FUT8: variants seen among roughly 807,000 people sequenced by gnomAD.
FUT8 encodes fucosyltransferase 8.
Under a neutral mutation model 71.3 loss-of-function variants are expected in FUT8, and 29 were observed. The ratio of observed to expected loss-of-function variants is 0.41; its 90% CI spans 0.30 to 0.55. The LOEUF (loss-of-function observed/expected upper bound fraction) is 0.55. FUT8 is among the 20% of genes least tolerant of loss of function. The pLI is 0.34. For missense variants in FUT8, 544 were observed against 702.1 expected (o/e 0.77, Z 2.55); for synonymous variants, 254 against 239.3 (o/e 1.06, Z -0.57).
chr14:65,378,979 T>A, the FUT8 span, among the ~76,000 whole-genome samples: 2,982 of 151,012 alleles, frequency 0.02, 43 homozygotes, highest in Non-Finnish European at 0.032. Flanking sequence ...CCCTAGTAGC[T>A]GGGATTACAG....
rs1022389769 is a variant in FUT8, at chr14:65,467,567, C to A, written c.-228+11849C>A. On this transcript the variant is annotated intron_variant, in intron 2 of 10. Transcript: ENST00000673929. This position sits in a 1 kb window ranked among gnomAD's most constrained non-coding sequence, Gnocchi z 4.1. ...TCTTGGCTCACTGCAACCTCCACCT[C>A]CTGGGTTCAAGCGATCCTCCTGCCT... is the stretch of plus-strand genomic sequence containing the variant. Among the ~76,000 whole-genome samples, 3 of 152,140 alleles carry A rather than the reference C, an allele frequency of 2.0e-5. No individual in the cohort carries two copies. Among genetic ancestry groups the A allele is most frequent in the Non-Finnish European group, 4.4e-5 (3 of 68,016 alleles).
At position 65,412,853 on chromosome 14, in the gene FUT8, C is replaced by T. The variant is rs2065156560; in HGVS notation, c.-687C>T. 6.6e-6 allele frequency among the ~76,000 whole-genome samples: 1 copy of T among 152,180 alleles called. No homozygotes were observed. The highest frequency in any genetic ancestry group is 1.5e-5 in the Non-Finnish European group (1 of 68,004). ...GCAGCCGGTTCCCTCCTCTCCAGGC[C>T]CCCTCCCCATCCCACCCCCGCCGCC... On this transcript the variant is annotated 5_prime_UTR_variant, in exon 1 of 11. Transcript: ENST00000673929.
At chr14:65,548,944 T>C (rs1012755644) in intron 2 of FUT8, among the ~76,000 whole-genome samples, 35 of 152,214 alleles carry the variant, frequency 2.3e-4, no homozygotes, top group African/African-American at 8.4e-4. Context: ...AGAGAAGATA[T>C]ACGGATACAA....
chr14:65,363,974 G>A, the FUT8 span, among the ~76,000 whole-genome samples: 1 of 152,176 alleles, frequency 6.6e-6, no homozygotes, highest in Admixed American at 6.5e-5. Context: ...CCCTACAGTG[G>A]GGTCATTTTA....
intron 7 of FUT8, among the ~76,000 whole-genome samples, chr14:65,673,329 T>C (rs1249390533): frequency 6.6e-6 from 1 of 152,216 alleles, no homozygotes; most frequent in Non-Finnish European, 1.5e-5. Flanking sequence ...GTATTTGCTA[T>C]TTGCTAGATA....
At chr14:65,642,284 T>C (rs1890877345) in intron 6 of FUT8, among the ~76,000 whole-genome samples, 1 of 152,168 alleles carries the variant, frequency 6.6e-6, no homozygotes, top group South Asian at 2.1e-4. Context: ...GTCTTTCCTA[T>C]TAGTTGCTTT....
chr14:65,431,669 T>C (rs939589726), intron 1 of FUT8, among the ~76,000 whole-genome samples: 1 of 146,802 alleles, frequency 6.8e-6, no homozygotes, highest in Non-Finnish European at 1.5e-5. Flanking sequence ...CACTTTTTTT[T>C]TTTTTTTAAT....
intron 3 of FUT8, among the ~76,000 whole-genome samples, chr14:65,604,217 A>G (rs1375354808): frequency 6.6e-6 from 1 of 151,896 alleles, no homozygotes; most frequent in East Asian, 1.9e-4. Context: ...CAACAAAGAA[A>G]CAATGGATTT....
chr14:65,375,519 G>A, the FUT8 span, among the ~76,000 whole-genome samples: 1 of 152,058 alleles, frequency 6.6e-6, no homozygotes. Flanking sequence ...TACTTGGGAG[G>A]CTAGGGTGGG....
chr14:65,528,845 A>G (rs568028606), intron 2 of FUT8: 1 of 152,370 alleles, frequency 6.6e-6, no homozygotes, highest in South Asian at 2.1e-4. Context: ...TATCATCAAG[A>G]TCTTTATCAT....
At chr14:65,651,886 G>A (rs1015265277) in intron 6 of FUT8, among the ~76,000 whole-genome samples, 1 of 152,078 alleles carries the variant, frequency 6.6e-6, no homozygotes, top group Non-Finnish European at 1.5e-5. Flanking sequence ...AGTCTTATGG[G>A]GACCTCTGAG....
chr14:65,560,356 A>C (rs80235566), intron 2 of FUT8, among the ~76,000 whole-genome samples: 2 of 151,966 alleles, frequency 1.3e-5, no homozygotes, highest in African/African-American at 4.8e-5. Flanking sequence ...AGAAAAAAAA[A>C]TTTTTATAGA....
intron 2 of FUT8, among the ~76,000 whole-genome samples, chr14:65,536,031 T>C (rs1255411953): frequency 6.6e-6 from 1 of 152,198 alleles, no homozygotes; most frequent in Non-Finnish European, 1.5e-5. Flanking sequence ...TACCATTATG[T>C]CATGCCCTTT....
intron 3 of FUT8, among the ~76,000 whole-genome samples, chr14:65,611,203 GC>G: frequency 5.8e-4 from 1 of 1,710 alleles, no homozygotes; most frequent in East Asian, 0.019. Flanking sequence ...ACACACGCGC[GC>G]GCGCGCGCGC....
intron 2 of FUT8, among the ~76,000 whole-genome samples, chr14:65,462,317 A>G (rs1006798527): frequency 1.3e-5 from 2 of 152,224 alleles, no homozygotes; most frequent in East Asian, 1.9e-4. Flanking sequence ...TCTCTGACTT[A>G]CCATTTTGTT....
chr14:65,619,963 T>G (rs1172288181), intron 5 of FUT8, among the ~76,000 whole-genome samples: 2 of 152,288 alleles, frequency 1.3e-5, no homozygotes, highest in South Asian at 4.1e-4. Flanking sequence ...TTATGGCAGT[T>G]TAGATGTGTA....
chr14:65,444,079 A>G (rs1437270794), intron 1 of FUT8, among the ~76,000 whole-genome samples: 1 of 152,218 alleles, frequency 6.6e-6, no homozygotes, highest in Non-Finnish European at 1.5e-5. Flanking sequence ...ATGGTTCTGA[A>G]AAGACATCAA....
chr14:65,740,894 T>C (rs1896465792), intron 10 of FUT8, among the ~76,000 whole-genome samples: 2 of 152,030 alleles, frequency 1.3e-5, no homozygotes, highest in Admixed American at 1.3e-4. Flanking sequence ...TTAATCTTCA[T>C]AAATGCCAAG....
At chr14:65,415,722 A>C (rs1566733279) in intron 1 of FUT8, among the ~76,000 whole-genome samples, 1 of 152,036 alleles carries the variant, frequency 6.6e-6, no homozygotes, top group Non-Finnish European at 1.5e-5. Flanking sequence ...TTCCAATAAA[A>C]AAATGGACCT....
Sources: allele counts gnomAD v4.1 joint callset (sites outside exome capture counted in the v4.1 genomes callset), GRCh38; gene constraint gnomAD v4.1.1; non-coding constraint Gnocchi (gnomAD v3.1); transcripts MANE v1.5; gene names NCBI Gene and HGNC (gene_info 2026-07-23, HGNC 2026-07-21).